The following ZDHHC18 variants were observed in gnomAD, a reference collection of about 807,000 sequenced individuals.
The protein encoded by ZDHHC18 is zDHHC palmitoyltransferase 18.
Under a neutral mutation model 37.5 loss-of-function variants are expected in ZDHHC18, and 23 were observed. The observed-to-expected ratio is 0.61, with a 90% CI of 0.44 to 0.87. The LOEUF is 0.87. Among genes scored for constraint, ZDHHC18 ranks in the 40% least tolerant of loss-of-function variants. The probability of loss-of-function intolerance (pLI) is 0.00; values close to 1 mark genes in which losing one functional copy is unlikely to be tolerated. For missense variants in ZDHHC18, 406 were observed against 525.6 expected (o/e 0.77, Z 2.22); for synonymous variants, 185 against 218.7 (o/e 0.85, Z 1.36).
intron 1 of ZDHHC18, among the ~76,000 whole-genome samples, chr1:26,830,078 C>T (rs527556553): frequency 6.6e-6 from 1 of 152,350 alleles, no homozygotes; most frequent in Admixed American, 6.5e-5. Flanking sequence ...TGGCAGTCTG[C>T]TCCTCAGGGG....
At chr1:26,829,126 G>A (rs1054180925) in intron 1 of ZDHHC18, among the ~76,000 whole-genome samples, 4 of 152,190 alleles carry the variant, frequency 2.6e-5, no homozygotes, top group Non-Finnish European at 5.9e-5. Flanking sequence ...TAGATTGGCA[G>A]AAGAGTTTGG....
In ZDHHC18 at chr1:26,826,925, G is replaced by GCCGCCC. The variant is rs1245771829; in HGVS notation, c.129_134dup (p.Ala44_Pro45dup). 8.4e-5 allele frequency: 87 copies of GCCGCCC among 1,037,962 alleles called. No homozygotes were observed. The highest frequency in any genetic ancestry group is 4.4e-4 in the East Asian group (6 of 13,528). The allele number at this position is 1,037,962 out of a possible 1,614,324, so 64.3% of individuals were successfully genotyped here. The stretch of plus-strand genomic sequence containing the variant: ...TCCGGGCCCCGGGCCCGCGCCGCCC[G>GCCGCCC]CCGCCCCCGCCCCGCCGCGCTGGAG... On this transcript the variant is annotated inframe_insertion, in exon 1 of 8. Transcript: ENST00000374142. The surrounding 1 kb of genome is among the most constrained non-coding windows in gnomAD (Gnocchi z 5.2).
rs2081719982 is a variant in ZDHHC18 at position 26,853,876 on chromosome 1, T to G, written c.*33T>G. 3 of 1,595,148 alleles carry G rather than the reference T, an allele frequency of 1.9e-6. No individual in the cohort carries two copies. The highest frequency in any genetic ancestry group is 2.7e-5 in the African/African-American group (2 of 74,556). Reference sequence around the variant, plus strand: ...TCAGTACTTGCCACCTGCTGGCCTGTCTGACCCTCCGCACTCACCTGCCGG... The same window carrying G: ...TCAGTACTTGCCACCTGCTGGCCTGGCTGACCCTCCGCACTCACCTGCCGG... On this transcript the variant is annotated 3_prime_UTR_variant, in exon 8 of 8. Transcript: ENST00000374142.
intron 2 of ZDHHC18, among the ~76,000 whole-genome samples, chr1:26,844,919 T>A (rs1458627296): frequency 2.0e-5 from 3 of 149,318 alleles, no homozygotes; most frequent in Non-Finnish European, 4.5e-5. Context: ...CATGGTTTTT[T>A]TTTTTGGTTT....
chr1:26,827,163 C>CCCCCCCA, intron 1 of ZDHHC18, 24 bp downstream of exon 1: 1 of 1,353,434 alleles, frequency 7.4e-7, no homozygotes, highest in Non-Finnish European at 9.5e-7. Flanking sequence ...CCTCGGCGCC[C>CCCCCCCA]CCTCCCAGCC....
chr1:26,831,459 G>A (rs910827339), intron 1 of ZDHHC18, among the ~76,000 whole-genome samples: 1 of 152,160 alleles, frequency 6.6e-6, no homozygotes, highest in Non-Finnish European at 1.5e-5. Flanking sequence ...TTTTAAGCAG[G>A]GAAATGACAT....
chr1:26,856,894 TCTCCA>T lies in ZDHHC18; in HGVS notation c.*3052_*3056del, dbSNP rs893621851. The T allele has an allele frequency of 2.0e-5, 3 of 152,934 alleles. No homozygotes were observed. The highest frequency in any genetic ancestry group is 7.2e-5 in the African/African-American group (3 of 41,444). 9.5% of individuals were successfully genotyped at this position (152,934 alleles called of 1,614,324 possible). A position where few individuals can be genotyped will look rare whatever the true frequency, so the allele number is the denominator to read the frequency against. On this transcript the variant is annotated 3_prime_UTR_variant, in exon 8 of 8. Coordinates refer to ENST00000374142, the MANE Select transcript of ZDHHC18 (RefSeq NM_032283.3). The surrounding 1 kb of genome is among the most constrained non-coding windows in gnomAD (Gnocchi z 5.2). ...CTCCTGAGGACCGCTGCTCTCTGCCTCTCCAGGAATGGCCTGGGGGGAGCCAGGCA... is the reference window on the plus strand; with the variant it reads ...CTCCTGAGGACCGCTGCTCTCTGCCTGGAATGGCCTGGGGGGAGCCAGGCA...
chr1:26,840,544 G>A (rs530393701), intron 2 of ZDHHC18, among the ~76,000 whole-genome samples: 24 of 147,966 alleles, frequency 1.6e-4, no homozygotes, highest in African/African-American at 6.0e-4. Context: ...GGGTTCAAGC[G>A]ATTCTTCCTG....
intron 2 of ZDHHC18, among the ~76,000 whole-genome samples, chr1:26,837,539 G>C (rs2081618808): frequency 6.6e-6 from 1 of 150,822 alleles, no homozygotes; most frequent in Non-Finnish European, 1.5e-5. Flanking sequence ...GAGTGCAATG[G>C]TGTGATCTCA....
rs1433769282 is a variant in ZDHHC18 at position 26,856,279 on chromosome 1, CCT to C, written c.*2437_*2438del. 1 of 436,554 alleles carries C rather than the reference CCT, an allele frequency of 2.3e-6. No individual in the cohort carries two copies. The highest frequency in any genetic ancestry group is 4.7e-6 in the Non-Finnish European group (1 of 210,662). 27.0% of individuals were successfully genotyped at this position (436,554 alleles called of 1,614,324 possible). On this transcript the variant is annotated 3_prime_UTR_variant, in exon 8 of 8. Coordinates refer to ENST00000374142, the MANE Select transcript of ZDHHC18 (RefSeq NM_032283.3). This position sits in a 1 kb window ranked among gnomAD's most constrained non-coding sequence, Gnocchi z 5.2. ...GGTTAGCTGGTAAGACCGTTTCTTC[CCT>C]GTCGGCCAGCACTGCCCGCTCCCCT...
In ZDHHC18 at chr1:26,854,017, C is replaced by T. The variant is rs1038178208; in HGVS notation, c.*174C>T. On this transcript the variant is annotated 3_prime_UTR_variant, in exon 8 of 8. Coordinates refer to ENST00000374142, the MANE Select transcript of ZDHHC18 (RefSeq NM_032283.3). The surrounding 1 kb of genome is among the most constrained non-coding windows in gnomAD (Gnocchi z 4.6). Reference sequence around the variant, plus strand: ...CTGTTCCGTGGCTGTGCCCTCTGCTCCCCAAACCCAGGTTCCCACAGCCTT... The same window carrying T: ...CTGTTCCGTGGCTGTGCCCTCTGCTTCCCAAACCCAGGTTCCCACAGCCTT... The T allele has an allele frequency of 1.9e-5, 12 of 639,868 alleles. No homozygotes were observed. The highest frequency in any genetic ancestry group is 4.3e-4 in the Middle Eastern group (1 of 2,312). The allele number at this position is 639,868 out of a possible 1,614,324, so 39.6% of individuals were successfully genotyped here.
chr1:26,851,920 C>T (rs1329866381), intron 6 of ZDHHC18, among the ~76,000 whole-genome samples: 1 of 152,226 alleles, frequency 6.6e-6, no homozygotes, highest in Non-Finnish European at 1.5e-5. Flanking sequence ...CCAGACCTGA[C>T]TTCTCCTCCC....
rs980001438 is a variant in ZDHHC18, at chr1:26,857,127, G to A, written c.*3284G>A. 1 of 152,316 alleles carries A rather than the reference G, an allele frequency of 6.6e-6. No individual in the cohort carries two copies. The highest frequency in any genetic ancestry group is 6.5e-5 in the Admixed American group (1 of 15,280). The allele number at this position is 152,316 out of a possible 1,614,324, so 9.4% of individuals were successfully genotyped here. On this transcript the variant is annotated 3_prime_UTR_variant, in exon 8 of 8. Transcript: ENST00000374142. ...CATCAGCACAATAATGTGACTCTAC[G>A]CTGATATGCTCCCTCTCTCCTCCAC...
At chr1:26,835,868 T>C (rs967919099) in intron 2 of ZDHHC18, among the ~76,000 whole-genome samples, 1 of 152,134 alleles carries the variant, frequency 6.6e-6, no homozygotes, top group African/African-American at 2.4e-5. Context: ...GGCTTTTCCC[T>C]TTGGCACCCC....
chr1:26,845,349 T>C (rs1323733803), intron 2 of ZDHHC18, among the ~76,000 whole-genome samples: 2 of 125,128 alleles, frequency 1.6e-5, no homozygotes, highest in Non-Finnish European at 3.3e-5. Flanking sequence ...TTTTTTTTTT[T>C]TTTGAGACAG....
chr1:26,848,527 C>A, intron 2 of ZDHHC18, 81 bp from the exon 3 acceptor site: 1 of 1,550,376 alleles, frequency 6.5e-7, no homozygotes, highest in South Asian at 1.2e-5. Context: ...ACTGGCCAGG[C>A]AGCAGTAGCT....
In ZDHHC18 at chr1:26,856,298, C is replaced by T. The variant is rs531269076; in HGVS notation, c.*2455C>T. Reference sequence around the variant, plus strand: ...TTCTTCCCTGTCGGCCAGCACTGCCCGCTCCCCTCACACACCATCTCATCC... The same window carrying T: ...TTCTTCCCTGTCGGCCAGCACTGCCTGCTCCCCTCACACACCATCTCATCC... On this transcript the variant is annotated 3_prime_UTR_variant, in exon 8 of 8. Transcript: ENST00000374142. This position sits in a 1 kb window ranked among gnomAD's most constrained non-coding sequence, Gnocchi z 5.2. 295 of 429,046 alleles carry T rather than the reference C, an allele frequency of 6.9e-4. No homozygotes were observed. Among genetic ancestry groups the T allele is most frequent in the African/African-American group, 5.3e-3 (266 of 49,724 alleles). 26.6% of individuals were successfully genotyped at this position (429,046 alleles called of 1,614,324 possible).
chr1:26,842,607 G>A (rs1264326069), intron 2 of ZDHHC18, among the ~76,000 whole-genome samples: 1 of 152,226 alleles, frequency 6.6e-6, no homozygotes, highest in Non-Finnish European at 1.5e-5. Flanking sequence ...CAAAACCAGG[G>A]TTCAGAGTGT....
chr1:26,852,038 C>T (rs1336918784), intron 6 of ZDHHC18, among the ~76,000 whole-genome samples: 1 of 152,226 alleles, frequency 6.6e-6, no homozygotes, highest in Non-Finnish European at 1.5e-5. Context: ...CAGACCTCAT[C>T]CTCTCATTCA....
Sources: gnomAD v4.1 joint callset for allele counts (sites outside exome capture counted in the v4.1 genomes callset) on GRCh38, gnomAD v4.1.1 for gene constraint, Gnocchi (gnomAD v3.1) non-coding constraint, MANE v1.5 for transcripts, NCBI Gene and HGNC (gene_info 2026-07-23, HGNC 2026-07-21) for gene names.